FILIP1: variants seen among roughly 807,000 people sequenced by gnomAD.
FILIP1 encodes the protein filamin A interacting protein 1.
In FILIP1, 61 loss-of-function variants were observed where a neutral mutation model predicts 102.1. The observed-to-expected ratio is 0.60, with a 90% confidence interval of 0.49 to 0.74. The LOEUF is 0.74. FILIP1 is among the 30% of genes least tolerant of loss of function. The pLI, the probability that FILIP1 is intolerant of heterozygous loss-of-function variation, is 0.00. For missense variants in FILIP1, 1,314 were observed against 1,441.2 expected, an observed-to-expected ratio of 0.91 and a Z score of 1.43; for synonymous variants, 491 against 526.9, an observed-to-expected ratio of 0.93 and a Z score of 0.93.
At position 75,421,103 on chromosome 6, in the gene FILIP1, C is replaced by T. The variant is rs560558159; in HGVS notation, c.-6-6125G>A. ...AATAATAAAATTTTCATGATAGTAACGTGCACTTTGGGATAAACATGGTGA... is the reference window on the plus strand; with the variant it reads ...AATAATAAAATTTTCATGATAGTAATGTGCACTTTGGGATAAACATGGTGA... On this transcript the variant is annotated intron_variant, in intron 1 of 5. Coordinates refer to ENST00000237172, the MANE Select transcript of FILIP1 (RefSeq NM_015687.5). Among the ~76,000 whole-genome samples the T allele has an allele frequency of 2.0e-5, 3 of 152,172 alleles. No individual in the cohort carries two copies. In the East Asian group the frequency reaches 5.8e-4, roughly 29 times the overall value.
rs760845175 is a variant in FILIP1 at position 75,313,532 on chromosome 6, T to C, written c.2300A>G (p.Gln767Arg). 6.2e-7 allele frequency: 1 copy of C among 1,614,240 alleles called. No individual in the cohort carries two copies. ...EEENKNKNMGQEVLNLTKELE... is the reference protein window; with the variant it reads ...EEENKNKNMGREVLNLTKELE... ...CTCTTTGGTCAGATTGAGAACCTCC[T>C]GCCCCATGTTTTTGTTCTTATTTTC... The change falls in exon 5 of 6, where the codon CAG becomes CGG. Residue 767 changes from glutamine (Q) to arginine (R), a missense_variant. By Grantham distance (43) the Gln-to-Arg change is conservative (BLOSUM62 1). Around this residue, in one of 3 missense-constraint regions of FILIP1, gnomAD observed 816 missense variants for 913.1 expected, o/e 0.89. Transcript: ENST00000237172. This position sits in a 1 kb window ranked among gnomAD's most constrained non-coding sequence, Gnocchi z 4.2.
chr6:75,377,306 A>T (rs1428515911), intron 2 of FILIP1, among the ~76,000 whole-genome samples: 2 of 152,192 alleles, frequency 1.3e-5, no homozygotes, highest in Non-Finnish European at 2.9e-5. Context: ...CATGGGCAAT[A>T]TTTGGCCTTA....
At chr6:75,387,546 G>A (rs1213604438) in intron 2 of FILIP1, among the ~76,000 whole-genome samples, 1 of 152,058 alleles carries the variant, frequency 6.6e-6, no homozygotes, top group East Asian at 1.9e-4. Context: ...ATCCTCTCCA[G>A]CATCTGTTGT....
intron 1 of FILIP1, among the ~76,000 whole-genome samples, chr6:75,438,006 G>T (rs1045077284): frequency 6.6e-6 from 1 of 152,214 alleles, no homozygotes; most frequent in Non-Finnish European, 1.5e-5. Context: ...TATCACGGCT[G>T]TCTCAGCCAA....
At chr6:75,312,264 T>C in intron 5 of FILIP1, 133 bp downstream of exon 5, 1 of 872,966 alleles carries the variant, frequency 1.1e-6, no homozygotes, top group Non-Finnish European at 1.8e-6. Flanking sequence ...GATGGTCCTC[T>C]GGGAAGCATC....
chr6:75,344,098 A>G (rs1774500939), intron 4 of FILIP1, among the ~76,000 whole-genome samples: 1 of 152,216 alleles, frequency 6.6e-6, no homozygotes, highest in African/African-American at 2.4e-5. Flanking sequence ...CATCCATTGT[A>G]ACCCCAGCTA....
chr6:75,310,446 C>T (rs1773143725), intron 5 of FILIP1, among the ~76,000 whole-genome samples: 1 of 152,324 alleles, frequency 6.6e-6, no homozygotes, highest in South Asian at 2.1e-4. Context: ...AATGAACTAC[C>T]CTCAGTGTTT....
At chr6:75,410,574 G>A (rs908915328) in intron 2 of FILIP1, among the ~76,000 whole-genome samples, 1 of 152,026 alleles carries the variant, frequency 6.6e-6, no homozygotes, top group African/African-American at 2.4e-5. Context: ...ACAGGCCCCA[G>A]TGTGTGATGT....
chr6:75,311,316 G>A (rs1343942952), intron 5 of FILIP1, among the ~76,000 whole-genome samples: 1 of 150,512 alleles, frequency 6.6e-6, no homozygotes, highest in Non-Finnish European at 1.5e-5. Flanking sequence ...CAGAGTAGCT[G>A]AGATTACAGG....
Position 75,308,621 on chromosome 6 carries a change from A to G in FILIP1, c.*70T>C. 1 of 1,596,568 alleles carries G rather than the reference A, an allele frequency of 6.3e-7. No homozygotes were observed. The highest frequency in any genetic ancestry group is 8.5e-7 in the Non-Finnish European group (1 of 1,170,770). On this transcript the variant is annotated 3_prime_UTR_variant, in exon 6 of 6. Coordinates refer to ENST00000237172, the MANE Select transcript of FILIP1 (RefSeq NM_015687.5). ...AAATTAGTACATGTAAAGAACTGGC[A>G]CAAACAGATGAAGGTTCACTTTCAC...
chr6:75,347,102 G>A (rs891858338), intron 4 of FILIP1, among the ~76,000 whole-genome samples: 1 of 152,166 alleles, frequency 6.6e-6, no homozygotes, highest in African/African-American at 2.4e-5. Flanking sequence ...TTCTCCCTCT[G>A]TGCATTGAAG....
At chr6:75,482,419 T>C (rs998355912) in intron 1 of FILIP1, among the ~76,000 whole-genome samples, 5 of 152,158 alleles carry the variant, frequency 3.3e-5, no homozygotes, top group African/African-American at 1.2e-4. Context: ...CAATCCTAAC[T>C]CCAAAATAGA....
chr6:75,308,592 A>G lies in FILIP1; in HGVS notation c.*99T>C. The stretch of plus-strand genomic sequence containing the variant: ...TTATTTTATAAACACAATATTTAAA[A>G]CTTAAATTAGTACATGTAAAGAACT... On this transcript the variant is annotated 3_prime_UTR_variant, in exon 6 of 6. Transcript: ENST00000237172. The G allele has an allele frequency of 6.5e-7, 1 of 1,540,944 alleles. No individual in the cohort carries two copies. Among genetic ancestry groups the G allele is most frequent in the Non-Finnish European group, 8.7e-7 (1 of 1,147,526 alleles).
At chr6:75,463,366 A>G (rs982101605) in intron 1 of FILIP1, among the ~76,000 whole-genome samples, 4 of 152,254 alleles carry the variant, frequency 2.6e-5, no homozygotes, top group African/African-American at 9.6e-5. Context: ...AACCTAATTG[A>G]TTACCGTGTT....
At chr6:75,334,322 C>T (rs190448870) in intron 4 of FILIP1, among the ~76,000 whole-genome samples, 29 of 152,258 alleles carry the variant, frequency 1.9e-4, no homozygotes, top group African/African-American at 6.7e-4. Context: ...CTCTTCATAC[C>T]ATACCAAGGT....
At chr6:75,372,619 GAAAA>G (rs200355221) in intron 2 of FILIP1, among the ~76,000 whole-genome samples, 2 of 34,330 alleles carry the variant, frequency 5.8e-5, no homozygotes, top group African/African-American at 9.6e-5. Context: ...AAGAAAGAAA[GAAAA>G]AGAAAGAAAG....
chr6:75,453,972 G>A (rs147929612), intron 1 of FILIP1: 5 of 456,688 alleles, frequency 1.1e-5, no homozygotes, highest in South Asian at 4.6e-5. Flanking sequence ...TTGCTGCCAT[G>A]ACAAATTACC....
rs754618124 is a variant in FILIP1, at chr6:75,313,636, G to A, written c.2196C>T (p.His732=). ...AEVQALKEKI[H]ELMNKEDQLS... is the part of the protein sequence containing the mutation. ...GCTGATCTTCTTTGTTCATTAATTC[G>A]TGAATCTTCTCTTTAAGAGCTTGTA... The change falls in exon 5 of 6, where the codon CAC becomes CAT. Residue 732 remains histidine (H), a synonymous_variant. Transcript: ENST00000237172. The surrounding 1 kb of genome is among the most constrained non-coding windows in gnomAD (Gnocchi z 4.2). The A allele has an allele frequency of 8.6e-5, 138 of 1,596,866 alleles. No homozygotes were observed. The highest frequency in any genetic ancestry group is 1.7e-4 in the Middle Eastern group (1 of 5,960).
At chr6:75,349,100 T>C (rs1238023678) in intron 4 of FILIP1, among the ~76,000 whole-genome samples, 2 of 152,194 alleles carry the variant, frequency 1.3e-5, no homozygotes, top group Admixed American at 6.5e-5. Flanking sequence ...TCTCCACCTG[T>C]AGAATGAGGG....
Sources: gnomAD v4.1 joint callset for allele counts (sites outside exome capture counted in the v4.1 genomes callset) on GRCh38, gnomAD v4.1.1 for gene constraint, gnomAD v4.1.1 regional missense constraint, Gnocchi (gnomAD v3.1) non-coding constraint, MANE v1.5 for transcripts, NCBI Gene and HGNC (gene_info 2026-07-23, HGNC 2026-07-21) for gene names.